Variants in CRISP2 observed in about 807,000 individuals in gnomAD.
CRISP2 encodes the protein cysteine-rich secretory protein 2.
A neutral mutation model predicts 31.7 loss-of-function variants in CRISP2; 29 were observed. The ratio of observed to expected loss-of-function variants is 0.92; its 90% CI spans 0.68 to 1.25. The LOEUF (loss-of-function observed/expected upper bound fraction) is 1.25, where lower values mean the gene tolerates loss of function less well. Among genes scored for constraint, CRISP2 ranks in the 50% most tolerant of loss-of-function variants. The pLI is 0.00. For missense variants in CRISP2, 318 were observed against 286.5 expected (o/e 1.11, Z -0.79); for synonymous variants, 111 against 101.4 (o/e 1.09, Z -0.57).
intron 4 of CRISP2, among the ~76,000 whole-genome samples, chr6:49,702,780 GC>G (rs776928671): frequency 1.3e-3 from 200 of 152,018 alleles, no homozygotes; most frequent in Non-Finnish European, 2.0e-3. Flanking sequence ...TATTTGTTTT[GC>G]TGTGAGGAAG....
chr6:49,701,760 A>ACATTATATATGTATG (rs1318935910), intron 4 of CRISP2, among the ~76,000 whole-genome samples: 1 of 107,004 alleles, frequency 9.3e-6, no homozygotes, highest in East Asian at 2.8e-4. Context: ...TATAATGTAT[A>ACATTATATATGTATG]CATTATATAT....
chr6:49,712,921 A>G (rs544385680), intron 1 of CRISP2, among the ~76,000 whole-genome samples: 1 of 152,278 alleles, frequency 6.6e-6, no homozygotes, highest in East Asian at 1.9e-4. Flanking sequence ...CTAGGACTTC[A>G]ACCCATTCTT....
intron 4 of CRISP2, among the ~76,000 whole-genome samples, chr6:49,705,408 C>A (rs1295559003): frequency 6.6e-6 from 1 of 152,256 alleles, no homozygotes; most frequent in African/African-American, 2.4e-5. Flanking sequence ...CTCTGTTGTG[C>A]AAGTCTGAGA....
chr6:49,702,358 T>C (rs1315093571), intron 4 of CRISP2, among the ~76,000 whole-genome samples: 2 of 151,358 alleles, frequency 1.3e-5, no homozygotes, highest in African/African-American at 2.4e-5. Context: ...ATGGTAGATT[T>C]ACATTTAGTT....
rs1275081177 is a variant in CRISP2, at chr6:49,709,112, T to C, written c.66+19A>G. The C allele has an allele frequency of 6.2e-7, 1 of 1,611,206 alleles. No individual in the cohort carries two copies. The highest frequency in any genetic ancestry group is 8.5e-7 in the Non-Finnish European group (1 of 1,177,516). On this transcript the variant is annotated intron_variant, in intron 4 of 9. Coordinates refer to ENST00000339139, the MANE Select transcript of CRISP2 (RefSeq NM_003296.4). ...AAGTTGCTGGATAGCTCTGAAAAGA[T>C]TTTCCATTTTAACCTTACCTTTCCT...
chr6:49,681,344 C>T, the CRISP2 span, among the ~76,000 whole-genome samples: 1 of 152,068 alleles, frequency 6.6e-6, no homozygotes, highest in Non-Finnish European at 1.5e-5. Flanking sequence ...TTCTGTTCCA[C>T]TGGTCTGTTT....
chr6:49,705,243 G>A (rs927358590), intron 4 of CRISP2, among the ~76,000 whole-genome samples: 1 of 152,038 alleles, frequency 6.6e-6, no homozygotes, highest in Non-Finnish European at 1.5e-5. Flanking sequence ...TTCCAAGGGG[G>A]CTATGGCTGC....
intron 4 of CRISP2, among the ~76,000 whole-genome samples, chr6:49,701,670 T>TTATATATGTATACATTATATATGTATACA (rs1561876324): frequency 8.0e-6 from 1 of 125,184 alleles, no homozygotes; most frequent in Non-Finnish European, 1.6e-5. Context: ...TATGTATACA[T>TTATATATGTATACATTATATATGTATACA]TATATATGTA....
rs774165520 is a variant in CRISP2 at position 49,699,886 on chromosome 6, C to A, written c.189G>T (p.Trp63Cys). The change falls in exon 6 of 10, where the codon TGG becomes TGT. Residue 63 changes from tryptophan to cysteine, a missense_variant. Coordinates refer to ENST00000339139, the MANE Select transcript of CRISP2 (RefSeq NM_003296.4). ...PPASNMLKMEWSREVTTNAQR... is the reference protein window; with the variant it reads ...PPASNMLKMECSREVTTNAQR... ...GGGCATTCGTTGTTACCTCTCTGCTCCATTCCTAAACGTCACAAGAAAACA... is the reference window on the plus strand; with the variant it reads ...GGGCATTCGTTGTTACCTCTCTGCTACATTCCTAAACGTCACAAGAAAACA... 3 of 1,612,052 alleles carry A rather than the reference C, an allele frequency of 1.9e-6. No homozygotes were observed. In the African/African-American group the frequency reaches 4.0e-5, roughly 22 times the overall value.
At chr6:49,690,196 T>C (rs1323533098), downstream of CRISP2, among the ~76,000 whole-genome samples, 1 of 152,144 alleles carries the variant, frequency 6.6e-6, no homozygotes, top group Non-Finnish European at 1.5e-5. Flanking sequence ...TCTCCATTCA[T>C]GTGGTAAATA....
rs746767981 is a variant in CRISP2, at chr6:49,700,791, G to T, written c.67-7C>A. 2.0e-6 allele frequency: 3 copies of T among 1,530,430 alleles called. No homozygotes were observed. The East Asian group carries it at 6.8e-5, about 35-fold the overall frequency. The allele number at this position is 1,530,430 out of a possible 1,614,324, so 94.8% of individuals were successfully genotyped here. On this transcript the variant is annotated splice_polypyrimidine_tract_variant and splice_region_variant and intron_variant, in intron 4 of 9. Transcript: ENST00000339139. ...AAGCAGTAAAAGCGGGATCCTAAAA[G>T]AAAATAAAATTGGAATTATTATTTA... is the stretch of plus-strand genomic sequence containing the variant.
chr6:49,711,165 A>G (rs1485422708), intron 3 of CRISP2, 120 bp downstream of exon 3: 3 of 105,594 alleles, frequency 2.8e-5, no homozygotes, highest in African/African-American at 1.6e-4. Context: ...AAACAAACAG[A>G]CAAACAAAAA....
At chr6:49,686,954 CA>C in the CRISP2 span, among the ~76,000 whole-genome samples, 5 of 149,398 alleles carry the variant, frequency 3.3e-5, no homozygotes, top group Non-Finnish European at 7.4e-5. Flanking sequence ...ATCTCAAGGA[CA>C]AAAAACCAAA....
At chr6:49,700,948 T>G (rs930781610) in intron 4 of CRISP2, among the ~76,000 whole-genome samples, 164 bp from the exon 5 acceptor site, 4 of 152,138 alleles carry the variant, frequency 2.6e-5, no homozygotes, top group Non-Finnish European at 4.4e-5. Flanking sequence ...AAGCCAATAT[T>G]AGTTGTTAAG....
chr6:49,692,492 G>C lies in CRISP2; in HGVS notation c.*281C>G, dbSNP rs1324878046. 1 of 238,450 alleles carries C rather than the reference G, an allele frequency of 4.2e-6. No individual in the cohort carries two copies. The highest frequency in any genetic ancestry group is 8.1e-6 in the Non-Finnish European group (1 of 123,676). The allele number at this position is 238,450 out of a possible 1,614,324, so 14.8% of individuals were successfully genotyped here. ...TGCACCATTTTGATCCAAAGTCCTA[G>C]TGACCTAAATCCTATGGTTATACAG... On this transcript the variant is annotated 3_prime_UTR_variant, in exon 10 of 10. Coordinates refer to ENST00000339139, the MANE Select transcript of CRISP2 (RefSeq NM_003296.4).
chr6:49,713,169 G>A (rs1254406838), intron 1 of CRISP2, among the ~76,000 whole-genome samples: 2 of 152,164 alleles, frequency 1.3e-5, no homozygotes, highest in Non-Finnish European at 2.9e-5. Context: ...AGCAGATTGA[G>A]AAATGACTTC....
the CRISP2 span, among the ~76,000 whole-genome samples, chr6:49,686,387 T>A: frequency 8.3e-4 from 126 of 152,332 alleles, no homozygotes; most frequent in Middle Eastern, 0.01. Context: ...GAATTAATGA[T>A]CATTTCTAAA....
At chr6:49,682,082 T>G in the CRISP2 span, among the ~76,000 whole-genome samples, 1 of 152,160 alleles carries the variant, frequency 6.6e-6, no homozygotes, top group Non-Finnish European at 1.5e-5. Context: ...AAAATAAAAG[T>G]TAAATAATCA....
chr6:49,685,869 G>A, the CRISP2 span, among the ~76,000 whole-genome samples: 1 of 152,002 alleles, frequency 6.6e-6, no homozygotes, highest in South Asian at 2.1e-4. Flanking sequence ...TTATTTTAAT[G>A]AGTATGTAAG....
Sources: allele counts gnomAD v4.1 joint callset (sites outside exome capture counted in the v4.1 genomes callset), GRCh38; gene constraint gnomAD v4.1.1; transcripts MANE v1.5; gene names NCBI Gene and HGNC (gene_info 2026-07-23, HGNC 2026-07-21).